DIDO1: variants seen among roughly 807,000 people sequenced by gnomAD.
DIDO1 encodes death inducer-obliterator 1.
DIDO1 carries 16 observed loss-of-function variants against 99.4 expected under a neutral mutation model. That is an observed-to-expected ratio of 0.16 (90% CI 0.11 to 0.24). DIDO1 has a LOEUF of 0.24. DIDO1 is among the 10% of genes least tolerant of loss of function. The probability of loss-of-function intolerance (pLI) is 1.00; values close to 1 mark genes in which losing one functional copy is unlikely to be tolerated. For missense variants in DIDO1, 2,996 were observed against 3,014.0 expected (o/e 0.99, Z 0.14); for synonymous variants, 1,366 against 1,239.1 (o/e 1.10, Z -2.15).
chr20:62,897,814 C>T (rs1477601723), intron 6 of DIDO1, among the ~76,000 whole-genome samples: 3 of 152,184 alleles, frequency 2.0e-5, no homozygotes, highest in Non-Finnish European at 2.9e-5. Context: ...GGACAGACGG[C>T]GTGCCAGGGG....
Position 62,911,429 on chromosome 20 carries a change from G to A in DIDO1, c.184C>T (p.Arg62Trp). 1 of 1,611,204 alleles carries A rather than the reference G, an allele frequency of 6.2e-7. No homozygotes were observed. Among genetic ancestry groups the A allele is most frequent in the Non-Finnish European group, 8.5e-7 (1 of 1,178,554 alleles). Residue 62 changes from arginine (R) to tryptophan (W), a missense_variant, in exon 3 of 16, where the codon CGG becomes TGG. By Grantham distance (101) the Arg-to-Trp change is moderately radical. This residue lies in a region of DIDO1 where 388 missense variants were observed against 376.6 expected (regional missense o/e 1.03). Coordinates refer to ENST00000395343, the MANE Select transcript of DIDO1 (RefSeq NM_001193369.2). The surrounding 1 kb of genome is among the most constrained non-coding windows in gnomAD (Gnocchi z 7.0). ...CGCTTGGGCTGCCTCCCACTGCGCC[G>A]CAGGGACAGGCCCAGCTGCTGCTGT... ...PPQQQLGLSL[R>W]RSGRQPKRTE... is the part of the protein sequence containing the mutation.
chr20:62,888,420 T>G (rs1342248057), intron 15 of DIDO1: 1 of 985,364 alleles, frequency 1.0e-6, no homozygotes, highest in African/African-American at 1.7e-5. Context: ...CTGTGCTGCA[T>G]GTGCCGCAGA....
chr20:62,887,636 T>C (rs946970471), intron 15 of DIDO1: 1 of 985,546 alleles, frequency 1.0e-6, no homozygotes, highest in Non-Finnish European at 1.2e-6. Flanking sequence ...TGACGGGGGC[T>C]GGGCATGGTT....
intron 4 of DIDO1, among the ~76,000 whole-genome samples, chr20:62,909,182 C>T (rs781149762): frequency 2.0e-5 from 3 of 152,226 alleles, no homozygotes; most frequent in Non-Finnish European, 2.9e-5. Flanking sequence ...AGTGAAAACA[C>T]GCCAAGTCAC....
chr20:62,881,627 G>C lies in DIDO1; in HGVS notation c.4329C>G (p.Asp1443Glu). The C allele has an allele frequency of 6.2e-7, 1 of 1,612,542 alleles. No homozygotes were observed. Among genetic ancestry groups the C allele is most frequent in the Non-Finnish European group, 8.5e-7 (1 of 1,180,018 alleles). Residue 1443 changes from aspartate to glutamate, a missense_variant, in exon 16 of 16, where the codon GAC (aspartate) becomes GAG (glutamate). Transcript: ENST00000395343. The surrounding 1 kb of genome is among the most constrained non-coding windows in gnomAD (Gnocchi z 8.3). ...CGTCGGCACACATCCTGTTGGGCAG[G>C]TCATCAACAGTCACTTTCGCTTCTT... ...ILEEAKVTVDDLPNRMCADVR... is the reference protein window; with the variant it reads ...ILEEAKVTVDELPNRMCADVR...
At chr20:62,887,819 G>A (rs761488154) in intron 15 of DIDO1, 81 of 985,398 alleles carry the variant, frequency 8.2e-5, no homozygotes, top group Non-Finnish European at 9.4e-5. Context: ...CTGGAACTGA[G>A]TGGGGTGAAC....
At position 62,896,420 on chromosome 20, in the gene DIDO1, A is replaced by G. The variant is rs748377536; in HGVS notation, c.2055-28T>C. ...GAACAGAATAAAAAAAAGGAACTAC[A>G]TAAGACACTTGTGTATATTAAACTT... On this transcript the variant is annotated intron_variant, in intron 7 of 15. Coordinates refer to ENST00000395343, the MANE Select transcript of DIDO1 (RefSeq NM_001193369.2). This position sits in a 1 kb window ranked among gnomAD's most constrained non-coding sequence, Gnocchi z 4.4. The G allele has an allele frequency of 1.4e-5, 23 of 1,603,754 alleles. No individual in the cohort carries two copies. The East Asian group carries it at 1.6e-4, about 11-fold the overall frequency.
At chr20:62,903,558 G>A (rs973494541) in intron 6 of DIDO1, among the ~76,000 whole-genome samples, 4 of 152,230 alleles carry the variant, frequency 2.6e-5, no homozygotes, top group African/African-American at 9.6e-5. Flanking sequence ...AGTACTTGTT[G>A]AGCCTACAAA....
chr20:62,902,660 G>C (rs1287720311), intron 6 of DIDO1, among the ~76,000 whole-genome samples: 1 of 152,182 alleles, frequency 6.6e-6, no homozygotes, highest in African/African-American at 2.4e-5. Flanking sequence ...CTTGTGAACG[G>C]TGTTCTCCGT....
rs1336141425 is a variant in DIDO1 at position 62,878,180 on chromosome 20, A to G, written c.*1053T>C. On this transcript the variant is annotated 3_prime_UTR_variant, in exon 16 of 16. Transcript: ENST00000395343. ...AAAGTTTATGAAAATATAAAAAATT[A>G]TCAAAGTGTATTTGTACAAATAAAT... is the stretch of plus-strand genomic sequence containing the variant. 1.3e-5 allele frequency: 2 copies of G among 152,260 alleles called. No individual in the cohort carries two copies. The highest frequency in any genetic ancestry group is 2.4e-5 in the African/African-American group (1 of 41,472). 9.4% of individuals were successfully genotyped at this position (152,260 alleles called of 1,614,324 possible).
In DIDO1 at chr20:62,896,482, T is replaced by C. The variant is rs2064525711; in HGVS notation, c.2054+49A>G. 1.3e-6 allele frequency: 2 copies of C among 1,583,678 alleles called. No homozygotes were observed. Among genetic ancestry groups the C allele is most frequent in the African/African-American group, 1.4e-5 (1 of 73,024 alleles). ...AGGCAATCCTGCAGCCACACTCTAATGAAAGCCCTTCCATTTTAATGGGTA... is the reference window on the plus strand; with the variant it reads ...AGGCAATCCTGCAGCCACACTCTAACGAAAGCCCTTCCATTTTAATGGGTA... On this transcript the variant is annotated intron_variant, in intron 7 of 15. Coordinates refer to ENST00000395343, the MANE Select transcript of DIDO1 (RefSeq NM_001193369.2). The surrounding 1 kb of genome is among the most constrained non-coding windows in gnomAD (Gnocchi z 4.4).
chr20:62,898,905 T>C (rs1029261910), intron 6 of DIDO1, among the ~76,000 whole-genome samples: 6 of 152,234 alleles, frequency 3.9e-5, no homozygotes, highest in African/African-American at 1.2e-4. Flanking sequence ...AAAATCTGTT[T>C]TTAACAACTC....
intron 15 of DIDO1, chr20:62,889,115 T>A: frequency 1.0e-6 from 1 of 985,488 alleles, no homozygotes; most frequent in Non-Finnish European, 1.2e-6. Flanking sequence ...GAGCTGACAG[T>A]GTGGGTGGTT....
At chr20:62,898,093 A>T (rs1463159737) in intron 6 of DIDO1, among the ~76,000 whole-genome samples, 1 of 152,238 alleles carries the variant, frequency 6.6e-6, no homozygotes, top group Non-Finnish European at 1.5e-5. Context: ...AGAATGTGAC[A>T]GATGCTCCCA....
chr20:62,923,392 G>A (rs1056946001), intron 1 of DIDO1, among the ~76,000 whole-genome samples: 2 of 151,864 alleles, frequency 1.3e-5, no homozygotes, highest in African/African-American at 4.8e-5. Context: ...GGCCAGGCTG[G>A]TCTTGAACTC....
chr20:62,882,611 C>CGCACCGCCCCGGGAAT (rs965369962), intron 15 of DIDO1, among the ~76,000 whole-genome samples, 197 bp from the exon 16 acceptor site: 1 of 152,074 alleles, frequency 6.6e-6, no homozygotes, highest in African/African-American at 2.4e-5. Context: ...GCCCCGGGAA[C>CGCACCGCCCCGGGAAT]GAGCTGGGAA....
chr20:62,932,673 C>T (rs141180380), intron 1 of DIDO1, among the ~76,000 whole-genome samples: 72 of 152,246 alleles, frequency 4.7e-4, no homozygotes, highest in Middle Eastern at 3.4e-3. Context: ...ATGCTAGATA[C>T]GGTTTGTCTC....
Position 62,896,673 on chromosome 20 carries a change from C to A in DIDO1, c.1912G>T (p.Val638Leu). The A allele has an allele frequency of 1.2e-6, 2 of 1,614,040 alleles. No homozygotes were observed. Among genetic ancestry groups the A allele is most frequent in the Non-Finnish European group, 1.7e-6 (2 of 1,179,996 alleles). ...ACAGAAGGTACCACTGGCTTCCTTACGGCTCCCACCAAAGCAGCGGAGCCA... is the reference window on the plus strand; with the variant it reads ...ACAGAAGGTACCACTGGCTTCCTTAAGGCTCCCACCAAAGCAGCGGAGCCA... ...FPGSAALVGA[V>L]RKPVVPSVPM... Residue 638 changes from valine to leucine, a missense_variant, in exon 7 of 16, where the codon GTA (valine) becomes TTA (leucine). This residue lies in a region of DIDO1 where 898 missense variants were observed against 972.7 expected (regional missense o/e 0.92). Coordinates refer to ENST00000395343, the MANE Select transcript of DIDO1 (RefSeq NM_001193369.2). This position sits in a 1 kb window ranked among gnomAD's most constrained non-coding sequence, Gnocchi z 4.4.
intron 1 of DIDO1, among the ~76,000 whole-genome samples, chr20:62,936,077 G>A (rs891932118): frequency 1.3e-5 from 2 of 152,222 alleles, no homozygotes; most frequent in Admixed American, 1.3e-4. Flanking sequence ...TAAGGCGCTA[G>A]CACTCAAGCT....
Sources: allele counts gnomAD v4.1 joint callset (sites outside exome capture counted in the v4.1 genomes callset), GRCh38; gene constraint gnomAD v4.1.1; regional missense constraint gnomAD v4.1.1; non-coding constraint Gnocchi (gnomAD v3.1); transcripts MANE v1.5; gene names NCBI Gene and HGNC (gene_info 2026-07-23, HGNC 2026-07-21).